VAV2: variants seen among roughly 807,000 people sequenced by gnomAD.
The protein encoded by VAV2 is vav guanine nucleotide exchange factor 2, also known as guanine nucleotide exchange factor VAV2.
VAV2 carries 67 observed loss-of-function variants against 132.5 expected under a neutral mutation model. The ratio of observed to expected loss-of-function variants is 0.51; its 90% CI spans 0.42 to 0.62. VAV2 has a LOEUF of 0.62. Among genes scored for constraint, VAV2 ranks in the 20% least tolerant of loss-of-function variants. The probability of loss-of-function intolerance (pLI) is 0.00; values close to 1 mark genes in which losing one functional copy is unlikely to be tolerated. For missense variants in VAV2, 938 were observed against 1,153.6 expected, an observed-to-expected ratio of 0.81 and a Z score of 2.71; for synonymous variants, 492 against 443.5, an observed-to-expected ratio of 1.11 and a Z score of -1.37.
chr9:133,838,851 ATGGG>A (rs796630630), intron 3 of VAV2, among the ~76,000 whole-genome samples: 1 of 52,540 alleles, frequency 1.9e-5, no homozygotes, highest in Admixed American at 2.4e-4. Flanking sequence ...GGATGGATGA[ATGGG>A]TGGGTGGGTG....
rs573201881 is a variant in VAV2 at position 133,788,145 on chromosome 9, G to A, written c.1407+209C>T. 3.3e-5 allele frequency among the ~76,000 whole-genome samples: 5 copies of A among 152,338 alleles called. No homozygotes were observed. The East Asian group carries it at 7.7e-4, about 24-fold the overall frequency. On this transcript the variant is annotated intron_variant, in intron 15 of 29. Transcript: ENST00000371850. This position sits in a 1 kb window ranked among gnomAD's most constrained non-coding sequence, Gnocchi z 5.3. ...TTCTGGGGGGCGCTGGGCCCGGCGA[G>A]GAGCAGGCCTGCTATGAGCAGTGGT...
rs551854315 is a variant in VAV2, at chr9:133,884,980, C to T, written c.322-23548G>A. On this transcript the variant is annotated intron_variant, in intron 2 of 29. Coordinates refer to ENST00000371850, the MANE Select transcript of VAV2 (RefSeq NM_001134398.2). The surrounding 1 kb of genome is among the most constrained non-coding windows in gnomAD (Gnocchi z 5.3). ...CCACAGTGACAGGTGGAGCCTAGATCATTCCAAAGACTCCAAAGATAATGC... is the reference window on the plus strand; with the variant it reads ...CCACAGTGACAGGTGGAGCCTAGATTATTCCAAAGACTCCAAAGATAATGC... Among the ~76,000 whole-genome samples, 1 of 152,044 alleles carries T rather than the reference C, an allele frequency of 6.6e-6. No homozygotes were observed. The highest frequency in any genetic ancestry group is 2.4e-5 in the African/African-American group (1 of 41,392).
intron 3 of VAV2, among the ~76,000 whole-genome samples, chr9:133,838,591 G>C (rs113888233): frequency 6.9e-6 from 1 of 144,466 alleles, no homozygotes; most frequent in Non-Finnish European, 1.5e-5. Flanking sequence ...GGATGAATGG[G>C]TGGGTGGATG....
intron 3 of VAV2, among the ~76,000 whole-genome samples, chr9:133,852,875 C>T (rs1016692530): frequency 6.6e-6 from 1 of 150,400 alleles, no homozygotes. Context: ...ACCCATTGGG[C>T]CCCCCCTGCC....
chr9:133,807,325 T>C lies in VAV2; in HGVS notation c.668A>G (p.Asn223Ser), dbSNP rs1250209692. The change falls in exon 8 of 30, where the codon AAC (asparagine) becomes AGC (serine). Residue 223 changes from asparagine (N) to serine (S), a missense_variant and splice_region_variant. Coordinates refer to ENST00000371850, the MANE Select transcript of VAV2 (RefSeq NM_001134398.2). ...CACCAGCCGCAGGGGGCTCATGTAG[T>C]TCTGGAAGAGAGAAGTCCACCTCTG... is the stretch of plus-strand genomic sequence containing the variant. ...YYRTLEDIEK[N>S]YMSPLRLVLS... The C allele has an allele frequency of 2.3e-5, 37 of 1,608,550 alleles. No individual in the cohort carries two copies. The highest frequency in any genetic ancestry group is 3.1e-5 in the Non-Finnish European group (36 of 1,178,098).
At chr9:133,831,713 T>C (rs1049269369) in intron 4 of VAV2, among the ~76,000 whole-genome samples, 14 of 152,182 alleles carry the variant, frequency 9.2e-5, no homozygotes, top group African/African-American at 1.7e-4. Flanking sequence ...CTGAGGCATG[T>C]TTCTGGAGAG....
Position 133,919,546 on chromosome 9 carries a change from G to A in VAV2, c.321+19557C>T, listed in dbSNP as rs1362966839. 1.3e-5 allele frequency among the ~76,000 whole-genome samples: 2 copies of A among 152,196 alleles called. No individual in the cohort carries two copies. The highest frequency in any genetic ancestry group is 1.5e-5 in the Non-Finnish European group (1 of 68,044). ...CAATTTCTAGGCTGTTCTAAGCCAC[G>A]GGTCAAGGGCTGCCCACTCAGCAAG... On this transcript the variant is annotated intron_variant, in intron 2 of 29. Coordinates refer to ENST00000371850, the MANE Select transcript of VAV2 (RefSeq NM_001134398.2). The surrounding 1 kb of genome is among the most constrained non-coding windows in gnomAD (Gnocchi z 5.8).
intron 1 of VAV2, among the ~76,000 whole-genome samples, chr9:133,946,614 G>T (rs182226039): frequency 1.7e-3 from 257 of 152,358 alleles, no homozygotes; most frequent in African/African-American, 5.8e-3. Flanking sequence ...ACGCCTGGCT[G>T]CTCTGCTTCC....
intron 1 of VAV2, among the ~76,000 whole-genome samples, chr9:133,970,076 C>A (rs1285311054): frequency 2.0e-5 from 3 of 152,164 alleles, no homozygotes; most frequent in Non-Finnish European, 2.9e-5. Context: ...TGGTCCTCCA[C>A]CCTCCCTGCC....
rs978902041 is a variant in VAV2, at chr9:133,935,012, C to T, written c.321+4091G>A. ...CCCTGGAGTCCCCAGCCCCACACCC[C>T]CTCGGTTACCCCTGACCAGCCCCAC... On this transcript the variant is annotated intron_variant, in intron 2 of 29. Coordinates refer to ENST00000371850, the MANE Select transcript of VAV2 (RefSeq NM_001134398.2). The surrounding 1 kb of genome is among the most constrained non-coding windows in gnomAD (Gnocchi z 5.2). Among the ~76,000 whole-genome samples the T allele has an allele frequency of 6.6e-6, 1 of 152,044 alleles. No individual in the cohort carries two copies. Among genetic ancestry groups the T allele is most frequent in the African/African-American group, 2.4e-5 (1 of 41,422 alleles).
rs537456573 is a variant in VAV2, at chr9:133,775,609, C to T, written c.2018+419G>A. ...GCAAGCTCTCTCCCAAAATCTGCTG[C>T]CACACTGTCAGGACAGTTGGGACTT... On this transcript the variant is annotated intron_variant, in intron 24 of 29. Transcript: ENST00000371850. Among the ~76,000 whole-genome samples the T allele has an allele frequency of 1.1e-4, 16 of 152,314 alleles. No individual in the cohort carries two copies. In the East Asian group the frequency reaches 2.9e-3, roughly 28 times the overall value.
chr9:133,905,779 G>A (rs1839628211), intron 2 of VAV2, among the ~76,000 whole-genome samples: 1 of 152,102 alleles, frequency 6.6e-6, no homozygotes, highest in Admixed American at 6.5e-5. Flanking sequence ...TCACACGCCT[G>A]TAATCCCAGC....
rs1466998656 is a variant in VAV2, at chr9:133,961,672, A to G, written c.205-22453T>C. Among the ~76,000 whole-genome samples the G allele has an allele frequency of 6.6e-6, 1 of 152,160 alleles. No individual in the cohort carries two copies. The highest frequency in any genetic ancestry group is 1.5e-5 in the Non-Finnish European group (1 of 68,028). ...GCACGCATAAGCCTCAGCCAGTTTT[A>G]CTTCCCATTGCAAACCCCTAGCCGG... is the stretch of plus-strand genomic sequence containing the variant. On this transcript the variant is annotated intron_variant, in intron 1 of 29. Transcript: ENST00000371850. The surrounding 1 kb of genome is among the most constrained non-coding windows in gnomAD (Gnocchi z 4.1).
Position 133,992,067 on chromosome 9 carries a change from G to C in VAV2, c.204+8C>G. 5.2e-6 allele frequency: 8 copies of C among 1,547,930 alleles called. No homozygotes were observed. Among genetic ancestry groups the C allele is most frequent in the Non-Finnish European group, 7.0e-6 (8 of 1,148,498 alleles). On this transcript the variant is annotated splice_region_variant and intron_variant, in intron 1 of 29. Coordinates refer to ENST00000371850, the MANE Select transcript of VAV2 (RefSeq NM_001134398.2). The surrounding 1 kb of genome is among the most constrained non-coding windows in gnomAD (Gnocchi z 5.5). ...TCCCCGGGGCCCTCCCGCCCGCCGG[G>C]CGCTCACCTGGGACATCTGCGGCCG... is the stretch of plus-strand genomic sequence containing the variant.
chr9:133,911,637 G>C (rs560841181), intron 2 of VAV2, among the ~76,000 whole-genome samples: 1 of 152,358 alleles, frequency 6.6e-6, no homozygotes, highest in East Asian at 1.9e-4. Flanking sequence ...GCCTAAGTCA[G>C]GGTGGCAGGC....
intron 17 of VAV2, among the ~76,000 whole-genome samples, chr9:133,785,098 C>A (rs974047383): frequency 2.6e-5 from 4 of 152,102 alleles, no homozygotes; most frequent in African/African-American, 9.7e-5. Flanking sequence ...ACGAGCCAGG[C>A]CCTGGCCCTG....
At chr9:133,827,211 C>T (rs1250923188) in intron 4 of VAV2, among the ~76,000 whole-genome samples, 1 of 134,896 alleles carries the variant, frequency 7.4e-6, no homozygotes, top group Non-Finnish European at 1.7e-5. Context: ...GCATGGGCAT[C>T]GCCAGCTACT....
intron 2 of VAV2, among the ~76,000 whole-genome samples, chr9:133,872,619 T>C (rs1838102013): frequency 1.3e-5 from 2 of 151,936 alleles, no homozygotes; most frequent in Non-Finnish European, 2.9e-5. Context: ...CAGAGTCGCT[T>C]TGTGCACCTT....
At chr9:133,931,492 C>T (rs1564475099) in intron 2 of VAV2, among the ~76,000 whole-genome samples, 1 of 152,162 alleles carries the variant, frequency 6.6e-6, no homozygotes, top group Non-Finnish European at 1.5e-5. Context: ...TCTTCCCTCC[C>T]TTCTGCCCAG....
Sources: gnomAD v4.1 joint callset for allele counts (sites outside exome capture counted in the v4.1 genomes callset) on GRCh38, gnomAD v4.1.1 for gene constraint, Gnocchi (gnomAD v3.1) non-coding constraint, MANE v1.5 for transcripts, NCBI Gene and HGNC (gene_info 2026-07-23, HGNC 2026-07-21) for gene names.